Variants in FHIP1A observed in about 807,000 individuals in gnomAD.
FHIP1A encodes FHF complex subunit HOOK interacting protein 1A.
Under a neutral mutation model 88.6 loss-of-function variants are expected in FHIP1A, and 61 were observed. The observed-to-expected ratio is 0.69, with a 90% confidence interval of 0.56 to 0.85. FHIP1A has a LOEUF of 0.85. Ranked by LOEUF, FHIP1A falls within the 40% of genes least tolerant of loss-of-function variation. The pLI, the probability that FHIP1A is intolerant of heterozygous loss-of-function variation, is 0.00. For missense variants in FHIP1A, 1,154 were observed against 1,273.5 expected (o/e 0.91, Z 1.43); for synonymous variants, 478 against 496.0 (o/e 0.96, Z 0.48).
At chr4:151,637,707 C>G (rs191802402) in intron 8 of FHIP1A, among the ~76,000 whole-genome samples, 1 of 152,202 alleles carries the variant, frequency 6.6e-6, no homozygotes, top group Middle Eastern at 3.4e-3. Flanking sequence ...ATGGGGGAGT[C>G]AGGAAAAGGC....
chr4:151,409,207 G>A lies in FHIP1A; in HGVS notation c.-614G>A. On this transcript the variant is annotated 5_prime_UTR_variant, in exon 1 of 14. Coordinates refer to ENST00000435205, the MANE Select transcript of FHIP1A (RefSeq NM_001109977.3). ...CCACGCGCCTCAGCCCGCGGCTGAC[G>A]CACCTTCGAAAAGTTGCGCTCCGAC... The A allele has an allele frequency of 6.6e-6, 1 of 151,350 alleles. No homozygotes were observed. Among genetic ancestry groups the A allele is most frequent in the Non-Finnish European group, 1.5e-5 (1 of 67,828 alleles). The allele number at this position is 151,350 out of a possible 1,614,324, so 9.4% of individuals were successfully genotyped here.
At chr4:151,578,172 T>A in intron 5 of FHIP1A, 96 bp downstream of exon 5, 1 of 1,153,810 alleles carries the variant, frequency 8.7e-7, no homozygotes, top group Non-Finnish European at 1.2e-6. Context: ...TTTCTCCCAG[T>A]AAGTTGTACT....
At chr4:151,557,349 G>A (rs931842761) in intron 3 of FHIP1A, among the ~76,000 whole-genome samples, 2 of 152,138 alleles carry the variant, frequency 1.3e-5, no homozygotes, top group African/African-American at 2.4e-5. Context: ...GAGAAATAGC[G>A]CCAAATGCAA....
chr4:151,417,662 A>G (rs1303838094), intron 1 of FHIP1A, among the ~76,000 whole-genome samples: 2 of 152,096 alleles, frequency 1.3e-5, no homozygotes, highest in Non-Finnish European at 2.9e-5. Flanking sequence ...AATCAGCCTT[A>G]GGTTCCCTGC....
chr4:151,483,236 T>G (rs1729962861), intron 3 of FHIP1A, among the ~76,000 whole-genome samples: 1 of 152,110 alleles, frequency 6.6e-6, no homozygotes, highest in Non-Finnish European at 1.5e-5. Context: ...AGTTCCTATG[T>G]TAATCAGAAA....
intron 3 of FHIP1A, among the ~76,000 whole-genome samples, chr4:151,493,818 A>T (rs1164275320): frequency 6.6e-6 from 1 of 152,196 alleles, no homozygotes; most frequent in Non-Finnish European, 1.5e-5. Context: ...TTGAAGGGAC[A>T]TACCTTAAGG....
intron 3 of FHIP1A, among the ~76,000 whole-genome samples, chr4:151,538,452 AT>A (rs1732149999): frequency 6.6e-6 from 1 of 152,176 alleles, no homozygotes; most frequent in African/African-American, 2.4e-5. Flanking sequence ...CTGGATTTCC[AT>A]TCCCAGACCT....
chr4:151,467,064 T>G (rs903185544), intron 2 of FHIP1A, among the ~76,000 whole-genome samples: 2 of 152,138 alleles, frequency 1.3e-5, no homozygotes, highest in Non-Finnish European at 2.9e-5. Context: ...GGGAGAAAAT[T>G]TTTGCAGTCT....
intron 7 of FHIP1A, among the ~76,000 whole-genome samples, chr4:151,591,839 A>G (rs1734443423): frequency 6.6e-6 from 1 of 152,110 alleles, no homozygotes; most frequent in Admixed American, 6.5e-5. Flanking sequence ...CATGGTGTAT[A>G]TGTGCCACAT....
At chr4:151,470,072 A>AT (rs1729456497) in intron 2 of FHIP1A, among the ~76,000 whole-genome samples, 4 of 152,176 alleles carry the variant, frequency 2.6e-5, no homozygotes. Flanking sequence ...AAGCACAGTG[A>AT]TTTTTTCAAG....
intron 9 of FHIP1A, among the ~76,000 whole-genome samples, chr4:151,641,989 C>G (rs1736604567): frequency 6.6e-6 from 1 of 152,058 alleles, no homozygotes; most frequent in South Asian, 2.1e-4. Context: ...TTATTACAAC[C>G]CAAATACTCA....
At chr4:151,603,833 G>A (rs1734968344) in intron 7 of FHIP1A, among the ~76,000 whole-genome samples, 1 of 151,852 alleles carries the variant, frequency 6.6e-6, no homozygotes, top group African/African-American at 2.4e-5. Context: ...CTGTTTTTTT[G>A]TTTCTTCTCC....
chr4:151,462,841 A>G (rs1729186460), intron 2 of FHIP1A, among the ~76,000 whole-genome samples: 1 of 152,196 alleles, frequency 6.6e-6, no homozygotes, highest in South Asian at 2.1e-4. Context: ...ACCTGAACAG[A>G]CAATAGTCTT....
At position 151,500,289 on chromosome 4, in the gene FHIP1A, C is replaced by A. The variant is rs2126661175; in HGVS notation, c.-123+17641C>A. On this transcript the variant is annotated intron_variant, in intron 3 of 13. Transcript: ENST00000435205. ...TTTAATTTTCTAGGCCTCAAAAAGA[C>A]CATTTAGGTGTCCTGGCAACTCAAT... is the stretch of plus-strand genomic sequence containing the variant. Among the ~76,000 whole-genome samples, 3 of 152,110 alleles carry A rather than the reference C, an allele frequency of 2.0e-5. No individual in the cohort carries two copies. The South Asian group carries it at 6.2e-4, about 32-fold the overall frequency.
At chr4:151,504,879 A>C (rs111339174) in intron 3 of FHIP1A, among the ~76,000 whole-genome samples, 2 of 152,238 alleles carry the variant, frequency 1.3e-5, no homozygotes, top group South Asian at 4.1e-4. Flanking sequence ...CGGCCTCCCA[A>C]CGTGCTAGGA....
In FHIP1A at chr4:151,411,343, A is replaced by ATTCT. The variant is rs370374898; in HGVS notation, c.-356+1879_-356+1880insTCTT. On this transcript the variant is annotated intron_variant, in intron 1 of 13. Transcript: ENST00000435205. ...AATTGCCTCTGAGGAGTGAAATTAT[A>ATTCT]TATATATTTTTTTTTTTTTAAAGTT... Among the ~76,000 whole-genome samples the ATTCT allele has an allele frequency of 1.0e-3, 117 of 112,234 alleles. 4 individuals are homozygous for ATTCT. Among genetic ancestry groups the ATTCT allele is most frequent in the Admixed American group, 2.6e-3 (27 of 10,524 alleles). 73.6% of individuals were successfully genotyped at this position (112,234 alleles called of 152,430 possible).
intron 3 of FHIP1A, among the ~76,000 whole-genome samples, chr4:151,557,609 C>T (rs1165555036): frequency 2.0e-5 from 3 of 152,184 alleles, no homozygotes; most frequent in African/African-American, 4.8e-5. Context: ...CTTCTGGAGG[C>T]TTTTGGATAA....
chr4:151,425,005 T>A (rs1474000699), intron 1 of FHIP1A, among the ~76,000 whole-genome samples: 1 of 152,180 alleles, frequency 6.6e-6, no homozygotes, highest in African/African-American at 2.4e-5. Flanking sequence ...TAAAGGTTGA[T>A]GGGGAACTTT....
At chr4:151,641,080 G>A (rs1736571058) in intron 9 of FHIP1A, among the ~76,000 whole-genome samples, 3 of 151,968 alleles carry the variant, frequency 2.0e-5, no homozygotes, top group Admixed American at 6.6e-5. Flanking sequence ...CAGACCTGAC[G>A]TTAGGAGATG....
Sources: gnomAD v4.1 joint callset for allele counts (sites outside exome capture counted in the v4.1 genomes callset) on GRCh38, gnomAD v4.1.1 for gene constraint, MANE v1.5 for transcripts, NCBI Gene and HGNC (gene_info 2026-07-23, HGNC 2026-07-21) for gene names.